Variants in PCSK6 observed in about 807,000 individuals in gnomAD.
The protein encoded by PCSK6 is paired basic amino acid cleaving enzyme 4.
A neutral mutation model predicts 123.3 loss-of-function variants in PCSK6; 85 were observed. The observed-to-expected ratio is 0.69, with a 90% CI of 0.58 to 0.83. PCSK6 has a LOEUF of 0.83. Ranked by LOEUF, PCSK6 falls within the 40% of genes least tolerant of loss-of-function variation. PCSK6 has a pLI of 0.00. For missense variants in PCSK6, 1,191 were observed against 1,282.3 expected (o/e 0.93, Z 1.09); for synonymous variants, 508 against 516.0 (o/e 0.98, Z 0.21).
intron 1 of PCSK6, chr15:101,463,032 G>A: frequency 2.2e-6 from 1 of 461,442 alleles, no homozygotes; most frequent in South Asian, 1.5e-5. Flanking sequence ...GCAGATGGTG[G>A]GTGAGAGTTC....
rs897501294 is a variant in PCSK6 at position 101,305,727 on chromosome 15, A to G, written c.2813-372T>C. The G allele has an allele frequency of 1.1e-5, 2 of 174,670 alleles. No individual in the cohort carries two copies. The highest frequency in any genetic ancestry group is 4.8e-5 in the African/African-American group (2 of 42,092). The allele number at this position is 174,670 out of a possible 1,614,324, so 10.8% of individuals were successfully genotyped here. ...CCGTCTCAAAAATAAATAAATAAAT[A>G]CATAAATAAATATTGTTTCAATCAT... On this transcript the variant is annotated intron_variant, in intron 21 of 21. Coordinates refer to ENST00000611716, the MANE Select transcript of PCSK6 (RefSeq NM_002570.5). The surrounding 1 kb of genome is among the most constrained non-coding windows in gnomAD (Gnocchi z 4.8).
At chr15:101,481,674 G>A (rs1179218456) in intron 1 of PCSK6, among the ~76,000 whole-genome samples, 1 of 152,190 alleles carries the variant, frequency 6.6e-6, no homozygotes, top group Non-Finnish European at 1.5e-5. Flanking sequence ...ACGGGAGCAG[G>A]AGGAGGCGAT....
At chr15:101,348,735 A>T (rs2040812871) in intron 13 of PCSK6, among the ~76,000 whole-genome samples, 1 of 152,138 alleles carries the variant, frequency 6.6e-6, no homozygotes, top group African/African-American at 2.4e-5. Flanking sequence ...TTCCCATCAC[A>T]CACGTGCAGA....
At position 101,384,379 on chromosome 15, in the gene PCSK6, A is replaced by G; in HGVS notation, c.1357T>C (p.Ser453Pro). 6.2e-7 allele frequency: 1 copy of G among 1,613,682 alleles called. No homozygotes were observed. Among genetic ancestry groups the G allele is most frequent in the Non-Finnish European group, 8.5e-7 (1 of 1,179,796 alleles). ...RDVQHLLVKTSRPAHLKASDW... is the reference protein window; with the variant it reads ...RDVQHLLVKTPRPAHLKASDW... ...CTCGCTTTCAGGTGGGCCGGCCGGGATGTCTTCACTAGCAGGTGCTGGACG... is the reference window on the plus strand; with the variant it reads ...CTCGCTTTCAGGTGGGCCGGCCGGGGTGTCTTCACTAGCAGGTGCTGGACG... Residue 453 changes from serine (S) to proline (P), a missense_variant, in exon 10 of 22, where the codon TCC becomes CCC. Ser to Pro is a moderately conservative substitution (Grantham distance 74, BLOSUM62 -1). This residue lies in a region of PCSK6 where 357 missense variants were observed against 484.5 expected (regional missense o/e 0.74). Coordinates refer to ENST00000611716, the MANE Select transcript of PCSK6 (RefSeq NM_002570.5).
intron 6 of PCSK6, among the ~76,000 whole-genome samples, chr15:101,414,770 G>A (rs972091152): frequency 1.3e-5 from 2 of 152,122 alleles, no homozygotes; most frequent in Admixed American, 6.5e-5. Context: ...ATGGATGGAT[G>A]GATGGATGAA....
intron 1 of PCSK6, among the ~76,000 whole-genome samples, chr15:101,475,557 C>T (rs560398191): frequency 6.6e-6 from 1 of 152,120 alleles, no homozygotes. Context: ...GTGGTCTTGG[C>T]TCACTGACTC....
intron 11 of PCSK6, among the ~76,000 whole-genome samples, chr15:101,374,994 G>C (rs8024669): frequency 0.036 from 5,390 of 149,188 alleles, 295 homozygotes; most frequent in African/African-American, 0.12. Context: ...CACTCTGTCC[G>C]CAGGCTGGAG....
At chr15:101,317,932 G>A (rs779956357) in intron 19 of PCSK6, among the ~76,000 whole-genome samples, 46 of 152,314 alleles carry the variant, frequency 3.0e-4, no homozygotes, top group Middle Eastern at 3.4e-3. Context: ...TCCTGGGCTC[G>A]AGCTGTCCTC....
At chr15:101,357,745 C>T (rs976072238) in intron 13 of PCSK6, among the ~76,000 whole-genome samples, 4 of 152,200 alleles carry the variant, frequency 2.6e-5, no homozygotes, top group Admixed American at 6.5e-5. Flanking sequence ...CACAGCATAA[C>T]CAGTGCCTTG....
intron 6 of PCSK6, among the ~76,000 whole-genome samples, chr15:101,415,113 T>G (rs2055841313): frequency 6.6e-6 from 1 of 152,238 alleles, no homozygotes; most frequent in South Asian, 2.1e-4. Flanking sequence ...CTATAAAATG[T>G]GTACAGCGAA....
intron 10 of PCSK6, 70 bp downstream of exon 10, chr15:101,384,252 G>A: frequency 6.4e-7 from 1 of 1,570,878 alleles, no homozygotes; most frequent in African/African-American, 1.3e-5. Context: ...GTCCTTTTAA[G>A]GAATTCATGA....
At chr15:101,443,725 C>A (rs1382931658) in intron 1 of PCSK6, 65 bp from the exon 2 acceptor site, 28 of 1,179,480 alleles carry the variant, frequency 2.4e-5, no homozygotes, top group Admixed American at 3.4e-5. Context: ...AAATCTTCCA[C>A]CCCACAAGAA....
At chr15:101,461,375 C>T (rs1254032656) in intron 1 of PCSK6, among the ~76,000 whole-genome samples, 1 of 152,166 alleles carries the variant, frequency 6.6e-6, no homozygotes, top group African/African-American at 2.4e-5. Context: ...CTTAAACACC[C>T]ATCTCTCTCA....
chr15:101,443,007 G>A (rs2056795182), intron 2 of PCSK6, among the ~76,000 whole-genome samples: 1 of 152,152 alleles, frequency 6.6e-6, no homozygotes, highest in South Asian at 2.1e-4. Context: ...ACACATAACT[G>A]TTGATTGATC....
At chr15:101,459,149 A>G (rs2141198997) in intron 1 of PCSK6, among the ~76,000 whole-genome samples, 1 of 152,192 alleles carries the variant, frequency 6.6e-6, no homozygotes, top group South Asian at 2.1e-4. Context: ...CCTATTATAT[A>G]CAAACATCTA....
At position 101,472,032 on chromosome 15, in the gene PCSK6, A is replaced by AT. The variant is rs372073948; in HGVS notation, c.297+17341dup. On this transcript the variant is annotated intron_variant, in intron 1 of 21. Coordinates refer to ENST00000611716, the MANE Select transcript of PCSK6 (RefSeq NM_002570.5). ...TGGACCTAAGAAACACGAAATTGTG[A>AT]TAAAAAAAAGCTAAATGACCCAGAA... Among the ~76,000 whole-genome samples the AT allele has an allele frequency of 2.3e-3, 148 of 64,088 alleles. 1 individual carries two copies. Among genetic ancestry groups the AT allele is most frequent in the South Asian group, 0.013 (28 of 2,134 alleles). 42.0% of individuals were successfully genotyped at this position (64,088 alleles called of 152,430 possible). A position where few individuals can be genotyped will look rare whatever the true frequency, so the allele number is the denominator to read the frequency against.
At chr15:101,382,931 C>T (rs1375506748) in intron 10 of PCSK6, among the ~76,000 whole-genome samples, 2 of 152,144 alleles carry the variant, frequency 1.3e-5, no homozygotes, top group Non-Finnish European at 2.9e-5. Flanking sequence ...CGATGGCCTC[C>T]TTATTAAAAG....
rs562706136 is a variant in PCSK6, at chr15:101,345,690, C to T, written c.1859-13659G>A. Among the ~76,000 whole-genome samples, 15 of 152,280 alleles carry T rather than the reference C, an allele frequency of 9.9e-5. No homozygotes were observed. In the East Asian group the frequency reaches 1.5e-3, roughly 16 times the overall value. ...ATTTTCTTTTTTCTTTTTTTTGAGA[C>T]GGAGTCTCGTTCTGTCATCCAGGCT... On this transcript the variant is annotated intron_variant, in intron 13 of 21. Coordinates refer to ENST00000611716, the MANE Select transcript of PCSK6 (RefSeq NM_002570.5).
chr15:101,345,608 C>T (rs982042236), intron 13 of PCSK6, among the ~76,000 whole-genome samples: 2 of 152,234 alleles, frequency 1.3e-5, no homozygotes, highest in Non-Finnish European at 2.9e-5. Flanking sequence ...TTTACACAGA[C>T]TACATACTTA....
Sources: allele counts gnomAD v4.1 joint callset (sites outside exome capture counted in the v4.1 genomes callset), GRCh38; gene constraint gnomAD v4.1.1; regional missense constraint gnomAD v4.1.1; non-coding constraint Gnocchi (gnomAD v3.1); transcripts MANE v1.5; gene names NCBI Gene and HGNC (gene_info 2026-07-23, HGNC 2026-07-21).